Variants in DTNB observed in about 807,000 individuals in gnomAD.
DTNB encodes dystrobrevin beta.
A neutral mutation model predicts 90.7 loss-of-function variants in DTNB; 63 were observed. The ratio of observed to expected loss-of-function variants is 0.69; its 90% CI spans 0.57 to 0.86. DTNB has a LOEUF of 0.86. DTNB is among the 40% of genes least tolerant of loss of function. The probability of loss-of-function intolerance (pLI) is 0.00; values close to 1 mark genes in which losing one functional copy is unlikely to be tolerated. For synonymous variants in DTNB, 277 were observed against 286.7 expected (o/e 0.97, Z 0.34); for missense variants, 744 against 807.1 (o/e 0.92, Z 0.95).
chr2:25,607,091 A>C, intron 5 of DTNB, 145 bp downstream of exon 5: 3 of 757,118 alleles, frequency 4.0e-6, no homozygotes, highest in Non-Finnish European at 6.3e-6. Flanking sequence ...GGCATAACTC[A>C]CCTACTGTGA....
intron 4 of DTNB, among the ~76,000 whole-genome samples, chr2:25,613,323 G>A (rs1293563220): frequency 6.6e-6 from 1 of 152,040 alleles, no homozygotes; most frequent in African/African-American, 2.4e-5. Context: ...CTGAGGTTTG[G>A]GGTATGAATA....
chr2:25,502,370 C>A (rs1396862972), intron 9 of DTNB, among the ~76,000 whole-genome samples: 1 of 152,060 alleles, frequency 6.6e-6, no homozygotes, highest in East Asian at 1.9e-4. Flanking sequence ...GACTCTAAAC[C>A]CAGTGAAACC....
At chr2:25,445,368 A>G (rs1383995071) in intron 12 of DTNB, among the ~76,000 whole-genome samples, 1 of 152,074 alleles carries the variant, frequency 6.6e-6, no homozygotes, top group Non-Finnish European at 1.5e-5. Flanking sequence ...TAACCTTTAG[A>G]GTTGTAATGT....
rs1469050084 is a variant in DTNB, at chr2:25,576,990, C to G, written c.724G>C (p.Glu242Gln). 6.2e-7 allele frequency: 1 copy of G among 1,606,976 alleles called. No individual in the cohort carries two copies. The highest frequency in any genetic ancestry group is 1.3e-5 in the African/African-American group (1 of 74,628). ...CTCTCACATCGGCAGTAGGAGCACT[C>G]CACGGGATGGAAGACTTGTGGACAG... The part of the protein sequence containing the change: ...AHVENVFHPV[E>Q]CSYCRCESMM... Residue 242 changes from glutamate to glutamine, a missense_variant, in exon 8 of 21, where the codon GAG (glutamate) becomes CAG (glutamine). Coordinates refer to ENST00000406818, the MANE Select transcript of DTNB (RefSeq NM_021907.5).
intron 11 of DTNB, among the ~76,000 whole-genome samples, chr2:25,453,653 C>A (rs1325346848): frequency 6.6e-6 from 1 of 152,172 alleles, no homozygotes; most frequent in African/African-American, 2.4e-5. Flanking sequence ...TCACTCTGGA[C>A]AATTGCCTTT....
At chr2:25,623,616 G>A (rs1269396746) in intron 4 of DTNB, among the ~76,000 whole-genome samples, 2 of 152,150 alleles carry the variant, frequency 1.3e-5, no homozygotes, top group African/African-American at 4.8e-5. Context: ...CCAGGCACCT[G>A]GAAGAAGCAA....
chr2:25,583,871 A>G (rs952356698), intron 6 of DTNB, among the ~76,000 whole-genome samples: 2 of 151,794 alleles, frequency 1.3e-5, no homozygotes, highest in Non-Finnish European at 2.9e-5. Context: ...TTAGATTTTG[A>G]TATCTCTGAA....
intron 10 of DTNB, among the ~76,000 whole-genome samples, chr2:25,476,673 A>G (rs1462558289): frequency 6.6e-6 from 1 of 152,236 alleles, no homozygotes; most frequent in East Asian, 1.9e-4. Flanking sequence ...TTAGGTGTGA[A>G]GCCTGAAGGT....
At chr2:25,539,282 C>G (rs1399783649) in intron 8 of DTNB, among the ~76,000 whole-genome samples, 1 of 152,132 alleles carries the variant, frequency 6.6e-6, no homozygotes, top group South Asian at 2.1e-4. Context: ...CATAGTGTTA[C>G]GCGCATTCAA....
chr2:25,388,268 G>A lies in DTNB; in HGVS notation c.1669C>T (p.Pro557Ser). The A allele has an allele frequency of 6.2e-7, 1 of 1,610,432 alleles. No homozygotes were observed. The highest frequency in any genetic ancestry group is 8.5e-7 in the Non-Finnish European group (1 of 1,178,684). ...AGCGAGTCCTGCGGACAGTGGGTGG[G>A]GGTGGAGCCGGCAGACGTGGAGCGC... ...PVRSTSAGST[P>S]THCPQDSLSG... is the part of the protein sequence containing the mutation. Residue 557 changes from proline to serine, a missense_variant, in exon 17 of 21, where the codon CCC becomes TCC. Coordinates refer to ENST00000406818, the MANE Select transcript of DTNB (RefSeq NM_021907.5).
At chr2:25,550,049 G>C (rs1172171645) in intron 8 of DTNB, among the ~76,000 whole-genome samples, 2 of 152,104 alleles carry the variant, frequency 1.3e-5, no homozygotes, top group Non-Finnish European at 2.9e-5. Context: ...TAGTATGGAT[G>C]GGATAGAATT....
intron 4 of DTNB, among the ~76,000 whole-genome samples, chr2:25,610,423 G>T (rs2068286586): frequency 6.6e-6 from 1 of 152,144 alleles, no homozygotes; most frequent in African/African-American, 2.4e-5. Flanking sequence ...AATCTCTCTG[G>T]TTTTATATAA....
At chr2:25,510,974 T>C (rs548737783) in intron 9 of DTNB, among the ~76,000 whole-genome samples, 93 of 152,318 alleles carry the variant, frequency 6.1e-4, no homozygotes, top group Middle Eastern at 3.4e-3. Context: ...GGGCCTGTGG[T>C]TAGGAATTTC....
At chr2:25,516,891 C>T (rs1043913264) in intron 9 of DTNB, among the ~76,000 whole-genome samples, 1 of 151,474 alleles carries the variant, frequency 6.6e-6, no homozygotes, top group Non-Finnish European at 1.5e-5. Flanking sequence ...AACCCTGTAT[C>T]CAAAAAAAAA....
intron 1 of DTNB, among the ~76,000 whole-genome samples, chr2:25,669,822 T>C (rs2085398249): frequency 6.6e-6 from 1 of 151,636 alleles, no homozygotes; most frequent in African/African-American, 2.4e-5. Context: ...CACGCAAGTG[T>C]AGTCCCAGCT....
At chr2:25,653,925 C>T (rs1336951858) in intron 1 of DTNB, among the ~76,000 whole-genome samples, 1 of 152,176 alleles carries the variant, frequency 6.6e-6, no homozygotes, top group Non-Finnish European at 1.5e-5. Flanking sequence ...TTTACTCCCG[C>T]TCTTGATAAC....
intron 1 of DTNB, among the ~76,000 whole-genome samples, chr2:25,664,915 A>G (rs187158563): frequency 3.3e-5 from 5 of 152,344 alleles, no homozygotes; most frequent in Admixed American, 6.5e-5. Context: ...CTCAAGGAAT[A>G]AGGAAAGAAC....
chr2:25,416,376 C>A (rs2047927461), intron 16 of DTNB, among the ~76,000 whole-genome samples: 4 of 152,168 alleles, frequency 2.6e-5, no homozygotes, highest in Admixed American at 2.6e-4. Flanking sequence ...CAATTCTTTT[C>A]TTTTTAAAAT....
chr2:25,637,201 A>T (rs1375222796), intron 3 of DTNB, among the ~76,000 whole-genome samples: 1 of 152,190 alleles, frequency 6.6e-6, no homozygotes, highest in Non-Finnish European at 1.5e-5. Flanking sequence ...TTATACAAAA[A>T]TTAATTCAAG....
Sources: gnomAD v4.1 joint callset for allele counts (sites outside exome capture counted in the v4.1 genomes callset) on GRCh38, gnomAD v4.1.1 for gene constraint, MANE v1.5 for transcripts, NCBI Gene and HGNC (gene_info 2026-07-23, HGNC 2026-07-21) for gene names.